Variants in RBFOX1 observed in about 807,000 individuals in gnomAD.
RBFOX1 encodes the protein RNA binding protein fox-1 homolog 1.
A neutral mutation model predicts 57.7 loss-of-function variants in RBFOX1; 8 were observed. The ratio of observed to expected loss-of-function variants is 0.14; its 90% CI spans 0.08 to 0.25. The LOEUF (loss-of-function observed/expected upper bound fraction) is 0.25. Ranked by LOEUF, RBFOX1 falls within the 10% of genes least tolerant of loss-of-function variation. The pLI, the probability that RBFOX1 is intolerant of heterozygous loss-of-function variation, is 1.00. For synonymous variants in RBFOX1, 326 were observed against 222.4 expected, an observed-to-expected ratio of 1.47 and a Z score of -4.15; for missense variants, 611 against 548.5, an observed-to-expected ratio of 1.11 and a Z score of -1.14.
intron 4 of RBFOX1, among the ~76,000 whole-genome samples, chr16:5,953,005 A>C (rs1444307948): frequency 6.6e-6 from 1 of 151,934 alleles, no homozygotes; most frequent in Non-Finnish European, 1.5e-5. Context: ...TGGAAATACA[A>C]TGGCAGCAGT....
intron 1 of RBFOX1, among the ~76,000 whole-genome samples, chr16:5,372,446 C>T (rs1311787504): frequency 6.8e-6 from 1 of 147,868 alleles, no homozygotes; most frequent in Non-Finnish European, 1.5e-5. Context: ...TTTATTTGGT[C>T]ATGAAAAATA....
At chr16:6,985,291 C>A (rs776089457) in intron 3 of RBFOX1, among the ~76,000 whole-genome samples, 1 of 152,086 alleles carries the variant, frequency 6.6e-6, no homozygotes, top group Non-Finnish European at 1.5e-5. Flanking sequence ...TTTTACATGT[C>A]CTTCAATTAA....
At chr16:7,409,788 C>G (rs987012687) in intron 4 of RBFOX1, among the ~76,000 whole-genome samples, 2 of 137,120 alleles carry the variant, frequency 1.5e-5, no homozygotes, top group African/African-American at 5.1e-5. Flanking sequence ...TCTGGGCATT[C>G]CTTGCTGAAG....
intron 3 of RBFOX1, among the ~76,000 whole-genome samples, chr16:5,658,224 G>T (rs1384687318): frequency 6.6e-6 from 1 of 152,110 alleles, no homozygotes; most frequent in Non-Finnish European, 1.5e-5. Flanking sequence ...TGTTACTGGA[G>T]ACCTCAGGCA....
chr16:6,139,898 A>G (rs1390357530), intron 1 of RBFOX1, among the ~76,000 whole-genome samples: 2 of 152,246 alleles, frequency 1.3e-5, no homozygotes, highest in Non-Finnish European at 2.9e-5. Flanking sequence ...ATAGAATTCC[A>G]TCAGTCTCTC....
chr16:7,360,921 T>C (rs2097308072), intron 4 of RBFOX1, among the ~76,000 whole-genome samples: 1 of 152,104 alleles, frequency 6.6e-6, no homozygotes, highest in Non-Finnish European at 1.5e-5. Context: ...CCTTGGAGAG[T>C]CTCATCCACT....
chr16:5,374,714 G>T lies in RBFOX1; in HGVS notation c.220-92502G>T, dbSNP rs80265317. On this transcript the variant is annotated intron_variant, in intron 1 of 2. Coordinates refer to the RBFOX1 transcript ENST00000585867. The stretch of plus-strand genomic sequence containing the variant: ...TAGAAGATGTGATTTATCTCTATGT[G>T]TTTTTTTTTTTTTGAAGAATTGACT... Among the ~76,000 whole-genome samples, 707 of 144,388 alleles carry T rather than the reference G, an allele frequency of 4.9e-3. 5 individuals carry two copies. Among genetic ancestry groups the T allele is most frequent in the African/African-American group, 0.017 (685 of 39,560 alleles). The allele number at this position is 144,388 out of a possible 152,430, so 94.7% of individuals were successfully genotyped here. A position where few individuals can be genotyped will look rare whatever the true frequency, so the allele number is the denominator to read the frequency against.
intron 2 of RBFOX1, among the ~76,000 whole-genome samples, chr16:6,612,178 T>C (rs1034277001): frequency 6.6e-6 from 1 of 152,156 alleles, no homozygotes; most frequent in Non-Finnish European, 1.5e-5. Context: ...TTTAATTATT[T>C]TGAAGGAATT....
intron 4 of RBFOX1, among the ~76,000 whole-genome samples, chr16:7,249,555 A>T (rs2094434406): frequency 6.6e-6 from 1 of 151,864 alleles, no homozygotes; most frequent in African/African-American, 2.4e-5. Context: ...GTTTTTTAAT[A>T]TAGCTATATA....
intron 3 of RBFOX1, among the ~76,000 whole-genome samples, chr16:7,043,217 C>T (rs2046775326): frequency 2.0e-5 from 3 of 152,186 alleles, no homozygotes; most frequent in Admixed American, 6.5e-5. Flanking sequence ...TCCCGTCCTT[C>T]AGCAGGCTGG....
chr16:5,897,526 A>G (rs1024650406), intron 4 of RBFOX1, among the ~76,000 whole-genome samples: 23 of 152,178 alleles, frequency 1.5e-4, no homozygotes, highest in African/African-American at 5.5e-4. Context: ...GCAAGATCAC[A>G]TGGGAAAATA....
intron 3 of RBFOX1, among the ~76,000 whole-genome samples, chr16:6,930,776 C>G (rs905725937): frequency 3.9e-5 from 6 of 152,134 alleles, no homozygotes; most frequent in African/African-American, 1.4e-4. Context: ...GATCCTCCCT[C>G]AGAGAGCTAT....
At chr16:5,607,635 ATGAG>A (rs1374713011) in intron 3 of RBFOX1, among the ~76,000 whole-genome samples, 1 of 152,152 alleles carries the variant, frequency 6.6e-6, no homozygotes, top group Non-Finnish European at 1.5e-5. Context: ...TGTTCTTGAA[ATGAG>A]TGAATGAAAG....
chr16:7,378,758 A>G (rs957046432), intron 4 of RBFOX1, among the ~76,000 whole-genome samples: 9 of 152,144 alleles, frequency 5.9e-5, no homozygotes, highest in African/African-American at 2.2e-4. Context: ...TGGCTGATCT[A>G]AGTACTGCAG....
chr16:7,280,989 CTCCTTCCT>C (rs1257640598), intron 4 of RBFOX1, among the ~76,000 whole-genome samples: 4 of 54,374 alleles, frequency 7.4e-5, no homozygotes, highest in Non-Finnish European at 1.3e-4. Flanking sequence ...CCCTCCCTCC[CTCCTTCCT>C]TCCTTCCTTC....
intron 4 of RBFOX1, among the ~76,000 whole-genome samples, chr16:5,906,211 A>G (rs962270421): frequency 3.9e-5 from 6 of 152,134 alleles, no homozygotes; most frequent in African/African-American, 1.4e-4. Flanking sequence ...TTATTTGGAA[A>G]TAGGGTTCTT....
intron 3 of RBFOX1, among the ~76,000 whole-genome samples, chr16:5,833,090 G>T (rs1487297601): frequency 6.6e-6 from 1 of 152,128 alleles, no homozygotes; most frequent in African/African-American, 2.4e-5. Context: ...ACAGGACAAT[G>T]CAAGGGTCTG....
chr16:7,592,973 A>T (rs1029888057), intron 7 of RBFOX1, among the ~76,000 whole-genome samples: 1 of 138,536 alleles, frequency 7.2e-6, no homozygotes, highest in South Asian at 2.3e-4. Flanking sequence ...AGGCTGTCAC[A>T]CCTGGCTTTT....
At chr16:5,571,722 T>G (rs1378301859) in intron 2 of RBFOX1, among the ~76,000 whole-genome samples, 1 of 152,098 alleles carries the variant, frequency 6.6e-6, no homozygotes, top group Non-Finnish European at 1.5e-5. Context: ...GACAACCACC[T>G]CCTCCTCGCT....
Sources: gnomAD v4.1 joint callset for allele counts (sites outside exome capture counted in the v4.1 genomes callset) on GRCh38, gnomAD v4.1.1 for gene constraint, MANE v1.5 for transcripts, NCBI Gene and HGNC (gene_info 2026-07-23, HGNC 2026-07-21) for gene names.